Variants in WDPCP observed in about 807,000 individuals in gnomAD.
The protein encoded by WDPCP is WD repeat containing planar cell polarity effector, also known as WD repeat-containing and planar cell polarity effector protein fritz homolog.
In WDPCP, 71 loss-of-function variants were observed where a neutral mutation model predicts 93.1. The observed-to-expected ratio is 0.76, with a 90% CI of 0.63 to 0.93. The LOEUF (loss-of-function observed/expected upper bound fraction) is 0.93, where lower values mean the gene tolerates loss of function less well. Ranked by LOEUF, WDPCP falls within the 40% of genes least tolerant of loss-of-function variation. WDPCP has a pLI of 0.00. For missense variants in WDPCP, 844 were observed against 887.4 expected, an observed-to-expected ratio of 0.95 and a Z score of 0.62; for synonymous variants, 315 against 315.0, an observed-to-expected ratio of 1.00 and a Z score of 0.00.
chr2:63,265,158 C>T (rs1681989483), intron 13 of WDPCP, among the ~76,000 whole-genome samples: 1 of 151,744 alleles, frequency 6.6e-6, no homozygotes, highest in Middle Eastern at 3.4e-3. Context: ...GAAGAATAAG[C>T]CCAAACTTGG....
chr2:63,141,352 C>T (rs1011315782), intron 17 of WDPCP, among the ~76,000 whole-genome samples: 8 of 152,224 alleles, frequency 5.3e-5, no homozygotes, highest in African/African-American at 1.7e-4. Context: ...GCTGGGATTA[C>T]AGGCATGAGC....
chr2:63,696,662 C>T (rs1395691630), intron 2 of WDPCP, among the ~76,000 whole-genome samples: 1 of 152,154 alleles, frequency 6.6e-6, no homozygotes, highest in Non-Finnish European at 1.5e-5. Context: ...GGCTGAGACA[C>T]CCATGGTAGC....
At chr2:63,721,567 A>T (rs1669414057) in intron 2 of WDPCP, among the ~76,000 whole-genome samples, 1 of 152,144 alleles carries the variant, frequency 6.6e-6, no homozygotes, top group South Asian at 2.1e-4. Flanking sequence ...AAAATCTCAT[A>T]ACCAGTAACT....
intron 2 of WDPCP, among the ~76,000 whole-genome samples, chr2:63,804,752 G>A (rs1026296327): frequency 6.6e-6 from 1 of 151,862 alleles, no homozygotes; most frequent in Admixed American, 6.6e-5. Flanking sequence ...ATGTTGGGCC[G>A]GGCACGGTGG....
At chr2:63,178,124 G>T (rs569274620) in intron 14 of WDPCP, among the ~76,000 whole-genome samples, 5 of 152,222 alleles carry the variant, frequency 3.3e-5, no homozygotes, top group Non-Finnish European at 7.4e-5. Context: ...TCGTTGGCTG[G>T]TATTTTGTTA....
chr2:63,144,714 CT>C (rs1294659494), intron 17 of WDPCP, among the ~76,000 whole-genome samples: 2 of 152,222 alleles, frequency 1.3e-5, no homozygotes, highest in African/African-American at 4.8e-5. Context: ...TAGTCCATCC[CT>C]CTTTAGCTTA....
intron 2 of WDPCP, among the ~76,000 whole-genome samples, chr2:63,794,390 G>T (rs1037817241): frequency 1.3e-5 from 2 of 152,142 alleles, no homozygotes; most frequent in Non-Finnish European, 2.9e-5. Flanking sequence ...AGTAGCACAT[G>T]GCATTCCCTT....
At chr2:63,330,300 T>C (rs1259765152) in intron 12 of WDPCP, among the ~76,000 whole-genome samples, 1 of 152,212 alleles carries the variant, frequency 6.6e-6, no homozygotes, top group African/African-American at 2.4e-5. Flanking sequence ...TGTTATCTCT[T>C]TGTGCTTTGA....
At chr2:63,402,602 T>C (rs544125303) in intron 10 of WDPCP, among the ~76,000 whole-genome samples, 1 of 152,254 alleles carries the variant, frequency 6.6e-6, no homozygotes, top group East Asian at 1.9e-4. Context: ...ATTAGAGAAG[T>C]GCAAACCAAA....
chr2:63,499,133 C>G (rs1449483078), intron 1 of WDPCP, among the ~76,000 whole-genome samples: 1 of 152,082 alleles, frequency 6.6e-6, no homozygotes, highest in Non-Finnish European at 1.5e-5. Context: ...ATAAAATAAT[C>G]ACAAAAACAA....
chr2:63,654,925 G>A (rs1710149066), intron 2 of WDPCP, among the ~76,000 whole-genome samples: 1 of 152,022 alleles, frequency 6.6e-6, no homozygotes, highest in African/African-American at 2.4e-5. Context: ...ACTGTACTGG[G>A]ATTAAGCTTT....
At chr2:63,203,673 C>T (rs956000246) in intron 14 of WDPCP, among the ~76,000 whole-genome samples, 14 of 152,190 alleles carry the variant, frequency 9.2e-5, no homozygotes, top group Non-Finnish European at 2.1e-4. Flanking sequence ...CTCTGGTAAC[C>T]ATCCTTCTAC....
chr2:63,188,083 G>A (rs998625253), intron 14 of WDPCP, among the ~76,000 whole-genome samples: 5 of 152,034 alleles, frequency 3.3e-5, no homozygotes, highest in Non-Finnish European at 5.9e-5. Flanking sequence ...TCACTTGTAC[G>A]TGATGAGTTG....
chr2:63,374,246 C>T (rs1012490055), intron 12 of WDPCP, among the ~76,000 whole-genome samples: 1 of 152,044 alleles, frequency 6.6e-6, no homozygotes, highest in Admixed American at 6.6e-5. Context: ...AAACCAAGCA[C>T]CTATCTTACT....
intron 2 of WDPCP, among the ~76,000 whole-genome samples, chr2:63,726,241 G>C (rs190038474): frequency 1.3e-5 from 2 of 152,270 alleles, no homozygotes; most frequent in Admixed American, 6.5e-5. Flanking sequence ...GAAAGGAAGT[G>C]GTCCAGTTTC....
chr2:63,245,071 T>G (rs1680166293), intron 14 of WDPCP, among the ~76,000 whole-genome samples: 1 of 152,132 alleles, frequency 6.6e-6, no homozygotes, highest in Non-Finnish European at 1.5e-5. Context: ...GCAATAAAAA[T>G]GCATGCACGC....
At chr2:63,337,333 C>CCATCAAA (rs1688456872) in intron 12 of WDPCP, among the ~76,000 whole-genome samples, 1 of 151,942 alleles carries the variant, frequency 6.6e-6, no homozygotes, top group African/African-American at 2.4e-5. Context: ...TTTTTGATGG[C>CCATCAAA]TGAATAATAT....
At chr2:63,379,648 C>A (rs1009454347) in intron 11 of WDPCP, among the ~76,000 whole-genome samples, 1 of 152,146 alleles carries the variant, frequency 6.6e-6, no homozygotes, top group Non-Finnish European at 1.5e-5. Context: ...ACTCCCAGCA[C>A]AGCTGTAGAT....
intron 2 of WDPCP, among the ~76,000 whole-genome samples, chr2:63,659,883 T>C (rs1710207756): frequency 6.6e-6 from 1 of 152,172 alleles, no homozygotes; most frequent in African/African-American, 2.4e-5. Context: ...CAACTTCTCT[T>C]TTACTCTGAA....
Sources: gnomAD v4.1 joint callset for allele counts (sites outside exome capture counted in the v4.1 genomes callset) on GRCh38, gnomAD v4.1.1 for gene constraint, MANE v1.5 for transcripts, NCBI Gene and HGNC (gene_info 2026-07-23, HGNC 2026-07-21) for gene names.